The following GALNT13 variants were observed in gnomAD, a reference collection of about 807,000 sequenced individuals.
GALNT13 encodes UDP-GalNAc:polypeptide N-acetylgalactosaminyltransferase 13.
In GALNT13, 28 loss-of-function variants were observed where a neutral mutation model predicts 64.2. That is an observed-to-expected ratio of 0.44 (90% CI 0.32 to 0.60). GALNT13 has a LOEUF of 0.60. GALNT13 is among the 20% of genes least tolerant of loss of function. The pLI, the probability that GALNT13 is intolerant of heterozygous loss-of-function variation, is 0.05. For synonymous variants in GALNT13, 214 were observed against 224.6 expected (o/e 0.95, Z 0.42); for missense variants, 577 against 669.8 (o/e 0.86, Z 1.53).
At chr2:154,117,958 T>C (rs543137606) in intron 3 of GALNT13, among the ~76,000 whole-genome samples, 214 of 152,362 alleles carry the variant, frequency 1.4e-3, no homozygotes, top group African/African-American at 4.2e-3. Context: ...GAATGTTCCC[T>C]GCAGTCTTTA....
the GALNT13 span, among the ~76,000 whole-genome samples, chr2:153,613,726 T>G: frequency 5.3e-5 from 8 of 152,266 alleles, no homozygotes; most frequent in African/African-American, 1.9e-4. Context: ...CATGCGGTGT[T>G]TGGTTTTTTG....
chr2:153,585,341 T>G, the GALNT13 span, among the ~76,000 whole-genome samples: 2 of 152,252 alleles, frequency 1.3e-5, no homozygotes, highest in South Asian at 2.1e-4. Flanking sequence ...ATTTCAGAAC[T>G]TGAAGACAGA....
chr2:153,478,587 C>T, the GALNT13 span: 1 of 1,525,590 alleles, frequency 6.6e-7, no homozygotes, highest in Non-Finnish European at 8.8e-7. Flanking sequence ...GCGGGCGCCG[C>T]GAGCGGCGCG....
the GALNT13 span, among the ~76,000 whole-genome samples, chr2:153,553,818 G>A: frequency 6.6e-6 from 1 of 152,214 alleles, no homozygotes; most frequent in East Asian, 1.9e-4. Context: ...ATAGACTTCA[G>A]ACAGAGCGGG....
At chr2:154,234,224 G>A (rs926188065) in intron 4 of GALNT13, among the ~76,000 whole-genome samples, 2 of 152,136 alleles carry the variant, frequency 1.3e-5, no homozygotes, top group Non-Finnish European at 2.9e-5. Flanking sequence ...AGTCCTACTA[G>A]CAGCATAGCT....
intron 8 of GALNT13, among the ~76,000 whole-genome samples, chr2:154,295,846 C>T (rs963414166): frequency 8.5e-5 from 13 of 152,088 alleles, no homozygotes; most frequent in African/African-American, 2.7e-4. Context: ...GCTAGAAAAA[C>T]GGCAGGTCTT....
chr2:153,480,209 T>C, the GALNT13 span, among the ~76,000 whole-genome samples: 1 of 152,336 alleles, frequency 6.6e-6, no homozygotes, highest in Middle Eastern at 3.4e-3. Context: ...TCAACTCTAC[T>C]CTTAATTTCA....
chr2:154,118,053 A>G (rs975334243), intron 3 of GALNT13, among the ~76,000 whole-genome samples: 2 of 152,156 alleles, frequency 1.3e-5, no homozygotes, highest in Non-Finnish European at 2.9e-5. Context: ...ATGTTTTTTG[A>G]ACCAATTACT....
chr2:154,447,697 G>A (rs1220229977), intron 12 of GALNT13, among the ~76,000 whole-genome samples: 1 of 151,908 alleles, frequency 6.6e-6, no homozygotes, highest in Non-Finnish European at 1.5e-5. Context: ...AATTATGGAT[G>A]AGGGGACAAC....
intron 3 of GALNT13, among the ~76,000 whole-genome samples, chr2:153,978,985 A>C (rs1476292162): frequency 1.3e-5 from 2 of 152,088 alleles, no homozygotes; most frequent in African/African-American, 2.4e-5. Flanking sequence ...ACAATACAGT[A>C]ATATGCTCCT....
the GALNT13 span, among the ~76,000 whole-genome samples, chr2:153,692,993 A>G: frequency 6.6e-6 from 1 of 152,156 alleles, no homozygotes; most frequent in African/African-American, 2.4e-5. Context: ...CCCAACATTA[A>G]AAAAAGGCTC....
the GALNT13 span, among the ~76,000 whole-genome samples, chr2:153,735,299 A>C: frequency 6.6e-6 from 1 of 152,076 alleles, no homozygotes; most frequent in Non-Finnish European, 1.5e-5. Flanking sequence ...GTTGTTCAGC[A>C]GAGAGTATAT....
At chr2:153,428,353 A>G in the GALNT13 span, among the ~76,000 whole-genome samples, 6 of 152,092 alleles carry the variant, frequency 3.9e-5, no homozygotes, top group Non-Finnish European at 8.8e-5. Context: ...AGAGCAAGCA[A>G]GGAGTTGGAC....
chr2:154,209,105 A>G (rs1401588761), intron 4 of GALNT13, among the ~76,000 whole-genome samples: 1 of 151,312 alleles, frequency 6.6e-6, no homozygotes, highest in East Asian at 1.9e-4. Context: ...AGGAAGAATT[A>G]TATTTTTCTT....
At chr2:154,351,682 CAAAAAAAAAAAAAAAAAAAAAAAAA>C (rs567606376) in intron 9 of GALNT13, among the ~76,000 whole-genome samples, 3 of 44,668 alleles carry the variant, frequency 6.7e-5, no homozygotes, top group South Asian at 1.9e-3. Flanking sequence ...GACTCCGTCT[CAAAAAAAAAAAAAAAAAAAAAAAAA>C]AAAAAAAAAA....
chr2:153,942,691 T>TTATATATA lies in GALNT13; in HGVS notation c.-104-1696_-104-1689dup, dbSNP rs10642626. Among the ~76,000 whole-genome samples, 12 of 150,448 alleles carry TTATATATA rather than the reference T, an allele frequency of 8.0e-5. No homozygotes were observed. The South Asian group carries it at 1.3e-3, about 16-fold the overall frequency. On this transcript the variant is annotated intron_variant, in intron 2 of 12. Coordinates refer to ENST00000392825, the MANE Select transcript of GALNT13 (RefSeq NM_052917.4). ...CTTTGGATTTACATATATCTCTCCA[T>TTATATATA]TATATATATATATACACATTCTGAA... is the stretch of plus-strand genomic sequence containing the variant.
At chr2:153,242,990 G>A in the GALNT13 span, among the ~76,000 whole-genome samples, 1 of 152,330 alleles carries the variant, frequency 6.6e-6, no homozygotes, top group Non-Finnish European at 1.5e-5. Context: ...TTATGGGAGA[G>A]TTTTCAGTCT....
At chr2:154,319,270 AAATG>A (rs1242785562) in intron 9 of GALNT13, among the ~76,000 whole-genome samples, 1 of 152,224 alleles carries the variant, frequency 6.6e-6, no homozygotes, top group Non-Finnish European at 1.5e-5. Flanking sequence ...AGCATAGGGA[AAATG>A]AATACTAATA....
chr2:153,932,601 CT>C lies in GALNT13; in HGVS notation c.-104-11785del, dbSNP rs1162187798. 7.9e-5 allele frequency among the ~76,000 whole-genome samples: 11 copies of C among 138,720 alleles called. No individual in the cohort carries two copies. The South Asian group carries it at 1.2e-3, about 15-fold the overall frequency. 91.0% of individuals were successfully genotyped at this position (138,720 alleles called of 152,430 possible). A position where few individuals can be genotyped will look rare whatever the true frequency, so the allele number is the denominator to read the frequency against. On this transcript the variant is annotated intron_variant, in intron 2 of 12. Transcript: ENST00000392825. ...TATGTTTTTGACAGATCTTCTTTTT[CT>C]TTTTTTTCTTTTTTTCTGTCTTTCT... is the stretch of plus-strand genomic sequence containing the variant.
Sources: gnomAD v4.1 joint callset for allele counts (sites outside exome capture counted in the v4.1 genomes callset) on GRCh38, gnomAD v4.1.1 for gene constraint, MANE v1.5 for transcripts, NCBI Gene and HGNC (gene_info 2026-07-23, HGNC 2026-07-21) for gene names.